The following BCL11A variants were observed in gnomAD, a reference collection of about 807,000 sequenced individuals.
BCL11A encodes BCL11 transcription factor A, also known as B cell CLL/lymphoma 11A.
In BCL11A, 2 loss-of-function variants were observed where a neutral mutation model predicts 55.9. The ratio of observed to expected loss-of-function variants is 0.04; its 90% confidence interval spans 0.01 to 0.11. The LOEUF (loss-of-function observed/expected upper bound fraction) is 0.11. BCL11A is among the 10% of genes least tolerant of loss of function. The pLI is 1.00. For synonymous variants in BCL11A, 465 were observed against 473.4 expected, an observed-to-expected ratio of 0.98 and a Z score of 0.23; for missense variants, 817 against 1,137.1, an observed-to-expected ratio of 0.72 and a Z score of 4.05.
intron 2 of BCL11A, among the ~76,000 whole-genome samples, chr2:60,477,025 A>T (rs1361302956): frequency 6.6e-6 from 1 of 152,174 alleles, no homozygotes; most frequent in Non-Finnish European, 1.5e-5. Context: ...CTTCACACAA[A>T]CGTATCACAA....
chr2:60,482,107 C>T (rs1001859535), intron 2 of BCL11A, among the ~76,000 whole-genome samples: 5 of 152,196 alleles, frequency 3.3e-5, no homozygotes, highest in African/African-American at 1.2e-4. Flanking sequence ...TGTTAAGGGG[C>T]GGGTGGTTTG....
Position 60,458,521 on chromosome 2 carries a change from T to C in BCL11A, c.*1883A>G. On this transcript the variant is annotated 3_prime_UTR_variant, in exon 4 of 4. Coordinates refer to ENST00000642384, the MANE Select transcript of BCL11A (RefSeq NM_022893.4). ...AGCAATCATTCATTTCTATGTTAAG[T>C]GTATTCTGTTTCCATTCACAGCGCT... The C allele has an allele frequency of 7.7e-6, 8 of 1,035,468 alleles. No individual in the cohort carries two copies. The highest frequency in any genetic ancestry group is 9.3e-6 in the Non-Finnish European group (8 of 859,838). 64.1% of individuals were successfully genotyped at this position (1,035,468 alleles called of 1,614,324 possible).
At chr2:60,500,062 C>G (rs900047036) in intron 2 of BCL11A, 1 of 152,932 alleles carries the variant, frequency 6.5e-6, no homozygotes, top group African/African-American at 2.4e-5. Context: ...CCTCCCTCCT[C>G]TCCTCCTTTC....
chr2:60,462,093 G>C lies in BCL11A; in HGVS notation c.819C>G (p.His273Gln). ...PPLFSPPPRHHLDPHRIERLG... is the reference protein window; with the variant it reads ...PPLFSPPPRHQLDPHRIERLG... The stretch of plus-strand genomic sequence containing the variant: ...GGCGCTCTATGCGGTGGGGGTCCAA[G>C]TGATGTCTCGGTGGTGGACTAAACA... The change falls in exon 4 of 4, where the codon CAC (histidine) becomes CAG (glutamine). Residue 273 changes from histidine (H) to glutamine (Q), a missense_variant. Transcript: ENST00000642384. The C allele has an allele frequency of 6.4e-7, 1 of 1,563,478 alleles. No homozygotes were observed. The highest frequency in any genetic ancestry group is 1.2e-5 in the South Asian group (1 of 82,468).
rs1369597709 is a variant in BCL11A, at chr2:60,471,118, T to C, written c.386-2285A>G. 2.0e-5 allele frequency among the ~76,000 whole-genome samples: 3 copies of C among 152,328 alleles called. No individual in the cohort carries two copies. The South Asian group carries it at 6.2e-4, about 32-fold the overall frequency. On this transcript the variant is annotated intron_variant, in intron 2 of 3. Transcript: ENST00000642384. Reference sequence around the variant, plus strand: ...GGGGGAGGGTCCAGCCCAGCAGCGCTACATGGGGCTTTCGAAAGGTGCCAA... The same window carrying C: ...GGGGGAGGGTCCAGCCCAGCAGCGCCACATGGGGCTTTCGAAAGGTGCCAA...
intron 2 of BCL11A, among the ~76,000 whole-genome samples, chr2:60,517,783 G>A (rs1274398980): frequency 2.6e-5 from 4 of 152,216 alleles, no homozygotes; most frequent in Non-Finnish European, 5.9e-5. Context: ...TCTGTAAAAT[G>A]ACAGGGTTAA....
At chr2:60,452,776 A>C, downstream of BCL11A, 2 of 813,894 alleles carry the variant, frequency 2.5e-6, no homozygotes, top group East Asian at 2.7e-5. Flanking sequence ...ACTTAAACCA[A>C]CCACAGGTCG....
At chr2:60,516,628 G>T (rs1209432115) in intron 2 of BCL11A, among the ~76,000 whole-genome samples, 1 of 152,198 alleles carries the variant, frequency 6.6e-6, no homozygotes, top group African/African-American at 2.4e-5. Context: ...GACAGAGAGG[G>T]GCACCTGGGA....
At chr2:60,532,130 A>T (rs1005909088) in intron 2 of BCL11A, among the ~76,000 whole-genome samples, 1 of 152,176 alleles carries the variant, frequency 6.6e-6, no homozygotes, top group Non-Finnish European at 1.5e-5. Flanking sequence ...AATTAAGATC[A>T]GGAAGAAATT....
At chr2:60,500,254 G>C (rs945664974) in intron 2 of BCL11A, among the ~76,000 whole-genome samples, 1 of 152,110 alleles carries the variant, frequency 6.6e-6, no homozygotes, top group African/African-American at 2.4e-5. Context: ...GGTCTTGAGA[G>C]TGAAAGTGGA....
At chr2:60,539,933 G>C (rs1669844143) in intron 2 of BCL11A, among the ~76,000 whole-genome samples, 1 of 152,086 alleles carries the variant, frequency 6.6e-6, no homozygotes, top group African/African-American at 2.4e-5. Context: ...CATTTACCTA[G>C]GTAGGAGAAA....
Position 60,457,678 on chromosome 2 carries a change from T to G in BCL11A, c.*2726A>C. 1 of 1,034,920 alleles carries G rather than the reference T, an allele frequency of 9.7e-7. No homozygotes were observed. The highest frequency in any genetic ancestry group is 1.2e-6 in the Non-Finnish European group (1 of 859,982). 64.1% of individuals were successfully genotyped at this position (1,034,920 alleles called of 1,614,324 possible). A position where few individuals can be genotyped will look rare whatever the true frequency, so the allele number is the denominator to read the frequency against. ...AAAACTGCAAAACATTGGTTTTTTT[T>G]TTTTTTTCCTTTTTTTTTCTTTCTT... On this transcript the variant is annotated 3_prime_UTR_variant, in exon 4 of 4. Coordinates refer to ENST00000642384, the MANE Select transcript of BCL11A (RefSeq NM_022893.4).
At chr2:60,471,668 C>T (rs1188853431) in intron 2 of BCL11A, among the ~76,000 whole-genome samples, 3 of 152,200 alleles carry the variant, frequency 2.0e-5, no homozygotes, top group African/African-American at 4.8e-5. Context: ...TTCCCACCTT[C>T]GCTTTCATTC....
intron 2 of BCL11A, among the ~76,000 whole-genome samples, chr2:60,539,444 A>C (rs1461523518): frequency 6.6e-6 from 1 of 152,214 alleles, no homozygotes; most frequent in Non-Finnish European, 1.5e-5. Flanking sequence ...ATAGACCCCA[A>C]GTTACTAACC....
At chr2:60,532,659 G>T (rs1169037871) in intron 2 of BCL11A, among the ~76,000 whole-genome samples, 1 of 152,152 alleles carries the variant, frequency 6.6e-6, no homozygotes, top group Admixed American at 6.5e-5. Flanking sequence ...TCATTATTAT[G>T]ACTTTACTTG....
At chr2:60,451,210 A>G (rs1297846731) in exon 5 of BCL11A, 3 of 213,926 alleles carry the variant, frequency 1.4e-5, no homozygotes, top group Non-Finnish European at 2.8e-5. Context: ...AATAATTCAC[A>G]TGCCAATTAT....
intron 1 of BCL11A, chr2:60,550,746 G>T (rs1194414481): frequency 2.5e-6 from 1 of 398,424 alleles, no homozygotes; most frequent in East Asian, 3.6e-5. Flanking sequence ...AGGGAGAGGG[G>T]TACGAGGGAG....
chr2:60,512,909 T>C (rs1015763358), intron 2 of BCL11A, among the ~76,000 whole-genome samples: 2 of 152,198 alleles, frequency 1.3e-5, no homozygotes, highest in Admixed American at 6.5e-5. Flanking sequence ...GGCATCCATT[T>C]GGAGGAGACA....
At chr2:60,520,241 T>G (rs954808005) in intron 2 of BCL11A, among the ~76,000 whole-genome samples, 8 of 152,192 alleles carry the variant, frequency 5.3e-5, no homozygotes, top group African/African-American at 1.9e-4. Flanking sequence ...CCCAGGCAAA[T>G]GGGTTCCTCT....
Sources: gnomAD v4.1 joint callset for allele counts (sites outside exome capture counted in the v4.1 genomes callset) on GRCh38, gnomAD v4.1.1 for gene constraint, MANE v1.5 for transcripts, NCBI Gene and HGNC (gene_info 2026-07-23, HGNC 2026-07-21) for gene names.